CTNND2: variants seen among roughly 807,000 people sequenced by gnomAD.
CTNND2 encodes the protein catenin delta 2, also known as catenin delta-2.
In CTNND2, 22 loss-of-function variants were observed where a neutral mutation model predicts 144.4. That is an observed-to-expected ratio of 0.15 (90% CI 0.11 to 0.22). The LOEUF (loss-of-function observed/expected upper bound fraction) is 0.22. Ranked by LOEUF, CTNND2 falls within the 10% of genes least tolerant of loss-of-function variation. The pLI, the probability that CTNND2 is intolerant of heterozygous loss-of-function variation, is 1.00. For missense variants in CTNND2, 1,353 were observed against 1,618.8 expected (o/e 0.84, Z 2.82); for synonymous variants, 751 against 695.6 (o/e 1.08, Z -1.25).
At chr5:11,716,318 A>T (rs1786348334) in intron 2 of CTNND2, among the ~76,000 whole-genome samples, 2 of 152,244 alleles carry the variant, frequency 1.3e-5, no homozygotes, top group Non-Finnish European at 2.9e-5. Context: ...ATAATAAAAT[A>T]ATTGAGGGAT....
At chr5:11,558,754 A>G (rs982804358) in intron 3 of CTNND2, among the ~76,000 whole-genome samples, 1 of 152,128 alleles carries the variant, frequency 6.6e-6, no homozygotes, top group Non-Finnish European at 1.5e-5. Flanking sequence ...GTGCAAGAAC[A>G]TGGAGTTTGG....
chr5:11,652,444 T>C (rs1782692660), intron 2 of CTNND2, among the ~76,000 whole-genome samples: 1 of 152,194 alleles, frequency 6.6e-6, no homozygotes. Context: ...AAGAATGGAC[T>C]AATACAGTCA....
chr5:11,584,478 A>G (rs1778679983), intron 2 of CTNND2, among the ~76,000 whole-genome samples: 1 of 141,668 alleles, frequency 7.1e-6, no homozygotes, highest in African/African-American at 2.7e-5. Context: ...CTAACTCAAT[A>G]TTTTTTATTC....
intron 2 of CTNND2, among the ~76,000 whole-genome samples, chr5:11,694,053 CA>C (rs1785030165): frequency 6.6e-6 from 1 of 152,170 alleles, no homozygotes; most frequent in African/African-American, 2.4e-5. Context: ...CCGTAGGGCA[CA>C]CTGCAGCTTT....
At chr5:11,892,039 T>C (rs1737003392) in intron 1 of CTNND2, among the ~76,000 whole-genome samples, 1 of 152,250 alleles carries the variant, frequency 6.6e-6, no homozygotes, top group Non-Finnish European at 1.5e-5. Context: ...TGGTGATTCA[T>C]GAACAGCTTC....
At chr5:11,563,087 T>C (rs1776803816) in intron 3 of CTNND2, among the ~76,000 whole-genome samples, 1 of 152,218 alleles carries the variant, frequency 6.6e-6, no homozygotes, top group African/African-American at 2.4e-5. Flanking sequence ...TAAGAGCCCA[T>C]ATACTCACAG....
chr5:11,133,783 T>C (rs1755849348), intron 12 of CTNND2, among the ~76,000 whole-genome samples: 2 of 152,228 alleles, frequency 1.3e-5, no homozygotes, highest in East Asian at 3.8e-4. Context: ...AGGAATAATG[T>C]TGGAAAATGC....
At chr5:11,449,794 G>A (rs1406444148) in intron 3 of CTNND2, among the ~76,000 whole-genome samples, 1 of 152,140 alleles carries the variant, frequency 6.6e-6, no homozygotes, top group Non-Finnish European at 1.5e-5. Flanking sequence ...CATTCAGAGT[G>A]AAGATAGTTT....
chr5:11,685,383 A>G (rs978765103), intron 2 of CTNND2, among the ~76,000 whole-genome samples: 7 of 152,202 alleles, frequency 4.6e-5, no homozygotes, highest in African/African-American at 1.7e-4. Context: ...CCTCTCATGA[A>G]TTCCTTACAA....
intron 2 of CTNND2, among the ~76,000 whole-genome samples, chr5:11,652,963 G>T (rs534573656): frequency 6.6e-6 from 1 of 152,060 alleles, no homozygotes; most frequent in East Asian, 1.9e-4. Context: ...AAGAGATCAT[G>T]CAGCATTTTT....
At chr5:11,662,897 A>G (rs1783354499) in intron 2 of CTNND2, among the ~76,000 whole-genome samples, 1 of 152,190 alleles carries the variant, frequency 6.6e-6, no homozygotes, top group Non-Finnish European at 1.5e-5. Flanking sequence ...TCTGGTCTAC[A>G]TGAAAGCTGC....
At chr5:11,274,371 A>G (rs1746316621) in intron 9 of CTNND2, among the ~76,000 whole-genome samples, 1 of 152,178 alleles carries the variant, frequency 6.6e-6, no homozygotes, top group Non-Finnish European at 1.5e-5. Flanking sequence ...TTCAGCAATA[A>G]CTAATAACTT....
At chr5:10,998,854 T>C (rs1325539995) in intron 18 of CTNND2, among the ~76,000 whole-genome samples, 1 of 152,258 alleles carries the variant, frequency 6.6e-6, no homozygotes, top group Non-Finnish European at 1.5e-5. Context: ...GCGTAGGTTA[T>C]ATGCAAATAC....
chr5:11,765,815 T>C (rs1271904052), intron 1 of CTNND2, among the ~76,000 whole-genome samples: 1 of 152,164 alleles, frequency 6.6e-6, no homozygotes, highest in African/African-American at 2.4e-5. Flanking sequence ...ACAAATCAAA[T>C]AATTTGTTAA....
chr5:11,277,018 T>C (rs1746609792), intron 9 of CTNND2, among the ~76,000 whole-genome samples: 1 of 152,200 alleles, frequency 6.6e-6, no homozygotes, highest in Non-Finnish European at 1.5e-5. Context: ...ACATATTTAG[T>C]AGTAATTGGT....
chr5:11,528,964 T>C (rs1773503219), intron 3 of CTNND2, among the ~76,000 whole-genome samples: 1 of 152,178 alleles, frequency 6.6e-6, no homozygotes, highest in South Asian at 2.1e-4. Flanking sequence ...TCTGATCTTC[T>C]CACAGAGGCC....
chr5:11,254,932 G>T (rs1561101745), intron 9 of CTNND2, among the ~76,000 whole-genome samples: 3 of 152,172 alleles, frequency 2.0e-5, no homozygotes, highest in South Asian at 2.1e-4. Flanking sequence ...AACACTGTCA[G>T]TTCAGACCAA....
intron 3 of CTNND2, among the ~76,000 whole-genome samples, chr5:11,540,730 G>A (rs1368023886): frequency 1.3e-5 from 2 of 152,054 alleles, no homozygotes; most frequent in African/African-American, 4.8e-5. Context: ...AGCTGGTTTC[G>A]AACTCCTGAC....
At chr5:11,602,864 C>T (rs1416936440) in intron 2 of CTNND2, among the ~76,000 whole-genome samples, 2 of 149,258 alleles carry the variant, frequency 1.3e-5, no homozygotes, top group African/African-American at 2.5e-5. Flanking sequence ...ATTTTTCAAG[C>T]TAATATTGAA....
Sources: allele counts gnomAD v4.1 joint callset (sites outside exome capture counted in the v4.1 genomes callset), GRCh38; gene constraint gnomAD v4.1.1; transcripts MANE v1.5; gene names NCBI Gene and HGNC (gene_info 2026-07-23, HGNC 2026-07-21).